Variants in PDE4D observed in about 807,000 individuals in gnomAD.
PDE4D encodes the protein phosphodiesterase 4D, also known as 3',5'-cyclic-AMP phosphodiesterase 4D.
A neutral mutation model predicts 87.4 loss-of-function variants in PDE4D; 24 were observed. That is an observed-to-expected ratio of 0.27 (90% CI 0.20 to 0.39). The LOEUF is 0.39. Ranked by LOEUF, PDE4D falls within the 10% of genes least tolerant of loss-of-function variation. PDE4D has a pLI of 1.00. For synonymous variants in PDE4D, 384 were observed against 383.2 expected, an observed-to-expected ratio of 1.00 and a Z score of -0.02; for missense variants, 714 against 1,041.0, an observed-to-expected ratio of 0.69 and a Z score of 4.32.
At chr5:59,896,809 C>G (rs1751707443), upstream of PDE4D, among the ~76,000 whole-genome samples, 1 of 152,150 alleles carries the variant, frequency 6.6e-6, no homozygotes, top group South Asian at 2.1e-4. Context: ...TGCCTCTATG[C>G]TAAAAGAAAA....
intron 1 of PDE4D, among the ~76,000 whole-genome samples, chr5:60,322,411 C>CAA (rs1323554428): frequency 8.9e-4 from 120 of 134,516 alleles, no homozygotes; most frequent in African/African-American, 3.2e-3. Context: ...CACACACACA[C>CAA]ACACAAAACC....
chr5:60,074,483 C>G (rs7715725), intron 2 of PDE4D, among the ~76,000 whole-genome samples: 75,040 of 151,874 alleles, frequency 0.49, 18,980 homozygotes, highest in East Asian at 0.83. Flanking sequence ...TACATATTCT[C>G]TTGTTTTTGG....
chr5:59,635,216 T>C (rs763456812), intron 1 of PDE4D, among the ~76,000 whole-genome samples: 83 of 152,084 alleles, frequency 5.5e-4, no homozygotes, highest in Non-Finnish European at 1.0e-3. Context: ...AATAGACCAA[T>C]AACAAATTCT....
intron 1 of PDE4D, among the ~76,000 whole-genome samples, chr5:60,450,034 T>C (rs1745970879): frequency 6.9e-6 from 1 of 145,866 alleles, no homozygotes; most frequent in Non-Finnish European, 1.5e-5. Flanking sequence ...AACAAGTCAA[T>C]AAAATTTTTT....
chr5:59,641,724 A>G (rs1741613960), intron 1 of PDE4D, among the ~76,000 whole-genome samples: 1 of 152,190 alleles, frequency 6.6e-6, no homozygotes, highest in South Asian at 2.1e-4. Flanking sequence ...ACTAATAATC[A>G]AATAAATAAA....
chr5:60,264,071 A>C (rs1365451322), intron 1 of PDE4D, among the ~76,000 whole-genome samples: 1 of 152,126 alleles, frequency 6.6e-6, no homozygotes, highest in Non-Finnish European at 1.5e-5. Context: ...ATGAGGCAAC[A>C]ATTCCCCAGA....
At chr5:60,185,279 C>A (rs16877736) in intron 2 of PDE4D, among the ~76,000 whole-genome samples, 10 of 152,208 alleles carry the variant, frequency 6.6e-5, no homozygotes, top group African/African-American at 2.4e-4. Flanking sequence ...TTTCTGCATG[C>A]ACTCAAAAAT....
chr5:60,097,022 T>C (rs1265252773), intron 2 of PDE4D, among the ~76,000 whole-genome samples: 2 of 152,174 alleles, frequency 1.3e-5, no homozygotes, highest in East Asian at 3.9e-4. Flanking sequence ...GACATTGTGC[T>C]TTCAAGCATT....
intron 1 of PDE4D, among the ~76,000 whole-genome samples, chr5:60,286,240 A>G: frequency 6.6e-6 from 1 of 152,210 alleles, no homozygotes. Context: ...AGATTGATAC[A>G]TACCCTGGCA....
At chr5:60,165,885 A>G (rs1782846216) in intron 2 of PDE4D, among the ~76,000 whole-genome samples, 1 of 151,540 alleles carries the variant, frequency 6.6e-6, no homozygotes, top group African/African-American at 2.4e-5. Context: ...GGGCTTATTT[A>G]TGGGTAAGAA....
intron 1 of PDE4D, among the ~76,000 whole-genome samples, chr5:59,467,217 C>T (rs1037188579): frequency 1.3e-5 from 2 of 152,150 alleles, no homozygotes; most frequent in African/African-American, 2.4e-5. Context: ...CAGTCTGTGG[C>T]ACTTTGTTAT....
intron 2 of PDE4D, among the ~76,000 whole-genome samples, chr5:60,036,039 T>C (rs561349424): frequency 1.4e-4 from 22 of 152,334 alleles, no homozygotes; most frequent in Admixed American, 4.6e-4. Context: ...CACTGAGTGA[T>C]GTTTCAAAAT....
intron 1 of PDE4D, among the ~76,000 whole-genome samples, chr5:59,480,480 C>A (rs1189451254): frequency 2.6e-5 from 4 of 152,090 alleles, no homozygotes; most frequent in African/African-American, 9.7e-5. Context: ...CCCACTACCA[C>A]CCAACACCCA....
chr5:59,575,231 C>T (rs73758811), intron 1 of PDE4D, among the ~76,000 whole-genome samples: 2,656 of 152,102 alleles, frequency 0.017, 74 homozygotes, highest in African/African-American at 0.059. Flanking sequence ...AAGAGCCACA[C>T]GTAGAGGCTG....
At chr5:59,295,684 A>G (rs906318842) in intron 1 of PDE4D, among the ~76,000 whole-genome samples, 5 of 152,120 alleles carry the variant, frequency 3.3e-5, no homozygotes, top group Non-Finnish European at 7.3e-5. Flanking sequence ...AGTTTTCATC[A>G]GAGAGTAAGC....
At chr5:59,568,211 T>A (rs1030680310) in intron 1 of PDE4D, among the ~76,000 whole-genome samples, 14 of 152,034 alleles carry the variant, frequency 9.2e-5, no homozygotes, top group African/African-American at 3.4e-4. Context: ...TGGGGATGTA[T>A]CAAAGGGACA....
intron 3 of PDE4D, among the ~76,000 whole-genome samples, chr5:59,922,470 G>C (rs947350778): frequency 1.3e-5 from 2 of 152,120 alleles, no homozygotes; most frequent in African/African-American, 2.4e-5. Context: ...GGAGAGGAGA[G>C]GGAAGAGTAG....
intron 1 of PDE4D, among the ~76,000 whole-genome samples, chr5:59,407,692 T>C (rs544108031): frequency 1.3e-5 from 2 of 152,310 alleles, no homozygotes; most frequent in South Asian, 4.1e-4. Flanking sequence ...GAGGAACTTA[T>C]TGAGAACTGG....
At chr5:59,345,882 A>G (rs758085583) in intron 1 of PDE4D, among the ~76,000 whole-genome samples, 17 of 152,208 alleles carry the variant, frequency 1.1e-4, no homozygotes, top group Non-Finnish European at 1.6e-4. Context: ...AAACACTGCA[A>G]CACTACATGT....
Sources: allele counts gnomAD v4.1 joint callset (sites outside exome capture counted in the v4.1 genomes callset), GRCh38; gene constraint gnomAD v4.1.1; transcripts MANE v1.5; gene names NCBI Gene and HGNC (gene_info 2026-07-23, HGNC 2026-07-21).